The following BRF1 variants were observed in gnomAD, a reference collection of about 807,000 sequenced individuals.
BRF1 encodes transcription factor IIIB 90 kDa subunit.
Under a neutral mutation model 81.7 loss-of-function variants are expected in BRF1, and 59 were observed. That is an observed-to-expected ratio of 0.72 (90% CI 0.59 to 0.90). The LOEUF is 0.90. Ranked by LOEUF, BRF1 falls within the 40% of genes least tolerant of loss-of-function variation. The probability of loss-of-function intolerance (pLI) is 0.00; values close to 1 mark genes in which losing one functional copy is unlikely to be tolerated. For missense variants in BRF1, 1,050 were observed against 936.3 expected (o/e 1.12, Z -1.58); for synonymous variants, 491 against 395.6 (o/e 1.24, Z -2.86).
chr14:105,214,612 A>G (rs587657986), intron 15 of BRF1, among the ~76,000 whole-genome samples: 36 of 151,524 alleles, frequency 2.4e-4, no homozygotes, highest in African/African-American at 7.7e-4. Flanking sequence ...ATGACGCAGG[A>G]CCAGGGGCAG....
rs779224666 is a variant in BRF1 at position 105,221,931 on chromosome 14, C to T, written c.1049-17G>A. The T allele has an allele frequency of 4.5e-6, 7 of 1,551,238 alleles. No homozygotes were observed. The highest frequency in any genetic ancestry group is 6.1e-6 in the Non-Finnish European group (7 of 1,154,180). ...CGGTGGAGCCTAGGTGTACACAATC[C>T]ACCTGTTAACCAGGCAGAGGGCCAG... On this transcript the variant is annotated splice_polypyrimidine_tract_variant and intron_variant, in intron 10 of 17. Transcript: ENST00000547530.
chr14:105,287,933 C>T (rs932749645), intron 1 of BRF1, among the ~76,000 whole-genome samples: 10 of 152,332 alleles, frequency 6.6e-5, no homozygotes, highest in Admixed American at 1.3e-4. Flanking sequence ...AGGCAAAGCC[C>T]GGGCCTCCTT....
chr14:105,251,467 C>T (rs1421219226), intron 5 of BRF1, among the ~76,000 whole-genome samples: 2 of 152,206 alleles, frequency 1.3e-5, no homozygotes, highest in African/African-American at 4.8e-5. Flanking sequence ...TAGGGTGAAA[C>T]AGGCTCTCCC....
intron 5 of BRF1, chr14:105,241,667 C>T: frequency 5.4e-6 from 3 of 554,884 alleles, no homozygotes; most frequent in Non-Finnish European, 9.7e-6. Flanking sequence ...GCAGCGTGCT[C>T]CTACTGCATG....
chr14:105,288,007 C>T (rs2057378417), intron 1 of BRF1, among the ~76,000 whole-genome samples: 1 of 152,196 alleles, frequency 6.6e-6, no homozygotes, highest in Non-Finnish European at 1.5e-5. Context: ...CCGGCAGCAG[C>T]AGCAGGGCAC....
chr14:105,217,813 A>G lies in BRF1; in HGVS notation c.1516-13T>C. ...AAGACTTCTTGGGCTTGAGGGAAAC[A>G]AGCAAGAATGCCTCCCGTGAGTCAC... On this transcript the variant is annotated splice_polypyrimidine_tract_variant and intron_variant, in intron 14 of 17. Transcript: ENST00000547530. 6.2e-7 allele frequency: 1 copy of G among 1,607,372 alleles called. No homozygotes were observed. Among genetic ancestry groups the G allele is most frequent in the Admixed American group, 1.7e-5 (1 of 59,958 alleles).
chr14:105,263,618 G>A (rs1436704179), intron 3 of BRF1, among the ~76,000 whole-genome samples: 1 of 152,076 alleles, frequency 6.6e-6, no homozygotes, highest in Non-Finnish European at 1.5e-5. Context: ...CGTGCTCTCT[G>A]CTTGCTCAAG....
At chr14:105,272,427 T>A (rs981618744) in intron 3 of BRF1, among the ~76,000 whole-genome samples, 5 of 152,154 alleles carry the variant, frequency 3.3e-5, no homozygotes, top group African/African-American at 1.2e-4. Flanking sequence ...GCGCAGTAGG[T>A]CCACAAGTGG....
intron 8 of BRF1, 128 bp from the exon 9 acceptor site, chr14:105,226,418 G>A (rs1893102608): frequency 1.4e-6 from 2 of 1,467,246 alleles, no homozygotes; most frequent in Admixed American, 1.8e-5. Context: ...GATGGAGGTG[G>A]AGCTATGGGC....
intron 1 of BRF1, among the ~76,000 whole-genome samples, chr14:105,307,548 CTG>C (rs1315146054): frequency 8.5e-5 from 13 of 152,202 alleles, no homozygotes; most frequent in African/African-American, 2.9e-4. Flanking sequence ...GCGGTTGTCT[CTG>C]TGTCTGTCAT....
chr14:105,288,640 T>TC (rs1220426993), intron 1 of BRF1, among the ~76,000 whole-genome samples: 12 of 147,720 alleles, frequency 8.1e-5, no homozygotes, highest in African/African-American at 1.5e-4. Flanking sequence ...TTTCTTTCTT[T>TC]TTTTTTTTTT....
chr14:105,228,410 G>A (rs587665065), intron 7 of BRF1: 80 of 161,016 alleles, frequency 5.0e-4, no homozygotes, highest in African/African-American at 1.7e-3. Context: ...CAGGCGTGGT[G>A]GCACACGCCT....
chr14:105,246,692 A>T (rs2055136662), intron 5 of BRF1, among the ~76,000 whole-genome samples: 1 of 151,358 alleles, frequency 6.6e-6, no homozygotes, highest in African/African-American at 2.4e-5. Context: ...CCTGACCTCA[A>T]GTGATCCGCC....
At chr14:105,212,265 T>C in intron 15 of BRF1, 101 bp from the exon 16 acceptor site, 2 of 1,453,322 alleles carry the variant, frequency 1.4e-6, no homozygotes, top group Non-Finnish European at 1.9e-6. Flanking sequence ...GTTAATTGAC[T>C]GTTTCTCTGT....
intron 5 of BRF1, 195 bp from the exon 6 acceptor site, chr14:105,241,609 A>C (rs891755159): frequency 1.0e-5 from 7 of 699,760 alleles, no homozygotes; most frequent in Non-Finnish European, 1.6e-5. Flanking sequence ...CAGGAGAGCC[A>C]CTGGCCACCT....
chr14:105,300,724 G>T lies in BRF1; in HGVS notation c.-95C>A, dbSNP rs1338455143. On this transcript the variant is annotated 5_prime_UTR_variant, in exon 1 of 18. Coordinates refer to ENST00000547530, the MANE Select transcript of BRF1 (RefSeq NM_001519.4). The stretch of plus-strand genomic sequence containing the variant: ...CCGCGCCGCCCGCCCAGGCCCAGCC[G>T]CCCAGGCCTCGCCGCTCTCGCGAGG... The T allele has an allele frequency of 9.9e-7, 1 of 1,008,782 alleles. No individual in the cohort carries two copies. Among genetic ancestry groups the T allele is most frequent in the Non-Finnish European group, 1.3e-6 (1 of 792,708 alleles). 62.5% of individuals were successfully genotyped at this position (1,008,782 alleles called of 1,614,324 possible).
rs1198587177 is a variant in BRF1, at chr14:105,284,835, G to A, written c.265+1461C>T. 6.6e-6 allele frequency among the ~76,000 whole-genome samples: 1 copy of A among 152,108 alleles called. No homozygotes were observed. Among genetic ancestry groups the A allele is most frequent in the African/African-American group, 2.4e-5 (1 of 41,412 alleles). On this transcript the variant is annotated intron_variant, in intron 2 of 17. Transcript: ENST00000547530. The surrounding 1 kb of genome is among the most constrained non-coding windows in gnomAD (Gnocchi z 4.0). Reference sequence around the variant, plus strand: ...AACAGGCACTAGACTAGAAAGGAAAGATAACACGATCTTGTACCGAAAATC... The same window carrying A: ...AACAGGCACTAGACTAGAAAGGAAAAATAACACGATCTTGTACCGAAAATC...
chr14:105,219,250 A>G lies in BRF1; in HGVS notation c.1378-18T>C. 6.2e-7 allele frequency: 1 copy of G among 1,608,666 alleles called. No homozygotes were observed. On this transcript the variant is annotated intron_variant, in intron 12 of 17. Coordinates refer to ENST00000547530, the MANE Select transcript of BRF1 (RefSeq NM_001519.4). The stretch of plus-strand genomic sequence containing the variant: ...AGGATGTACTGGGCGAGCACAGGGA[A>G]GTGGGGCTGGCTTTTAGCCTTCGCA...
At position 105,211,978 on chromosome 14, in the gene BRF1, G is replaced by A. The variant is rs1595228867; in HGVS notation, c.1824+135C>T. The stretch of plus-strand genomic sequence containing the variant: ...GGCCTCGATTCTCTGGCCATGCCAG[G>A]CAAGTATGGGGCAGCAGGGGCAGGC... On this transcript the variant is annotated intron_variant, in intron 16 of 17. Transcript: ENST00000547530. 11 of 1,324,044 alleles carry A rather than the reference G, an allele frequency of 8.3e-6. No homozygotes were observed. The South Asian group carries it at 1.4e-4, about 17-fold the overall frequency. 82.0% of individuals were successfully genotyped at this position (1,324,044 alleles called of 1,614,324 possible). A position where few individuals can be genotyped will look rare whatever the true frequency, so the allele number is the denominator to read the frequency against.
Sources: gnomAD v4.1 joint callset for allele counts (sites outside exome capture counted in the v4.1 genomes callset) on GRCh38, gnomAD v4.1.1 for gene constraint, Gnocchi (gnomAD v3.1) non-coding constraint, MANE v1.5 for transcripts, NCBI Gene and HGNC (gene_info 2026-07-23, HGNC 2026-07-21) for gene names.